THAP6: variants seen among roughly 807,000 people sequenced by gnomAD.
The protein encoded by THAP6 is THAP domain-containing protein 6.
A neutral mutation model predicts 20.0 loss-of-function variants in THAP6; 13 were observed. The ratio of observed to expected loss-of-function variants is 0.65; its 90% CI spans 0.42 to 1.03. The LOEUF (loss-of-function observed/expected upper bound fraction) is 1.03. Ranked by LOEUF, THAP6 falls within the 50% of genes least tolerant of loss-of-function variation. THAP6 has a pLI of 0.00. For synonymous variants in THAP6, 93 were observed against 92.2 expected (o/e 1.01, Z -0.05); for missense variants, 262 against 261.6 (o/e 1.00, Z -0.01).
At chr4:75,514,335 A>G (rs758123996), upstream of THAP6, 1 of 1,578,700 alleles carries the variant, frequency 6.3e-7, no homozygotes, top group South Asian at 1.1e-5. Flanking sequence ...CAGGATAAAA[A>G]CCACGCCCAG....
chr4:75,534,159 A>G (rs1486158370), downstream of THAP6, among the ~76,000 whole-genome samples: 1 of 152,136 alleles, frequency 6.6e-6, no homozygotes, highest in Non-Finnish European at 1.5e-5. Flanking sequence ...CCAGTCTATC[A>G]TTGTTGGACA....
intron 3 of THAP6, among the ~76,000 whole-genome samples, chr4:75,518,585 C>T (rs1725811243): frequency 6.6e-6 from 1 of 152,060 alleles, no homozygotes; most frequent in African/African-American, 2.4e-5. Context: ...AAACTGAGGC[C>T]CAGAGAACTA....
downstream of THAP6, among the ~76,000 whole-genome samples, chr4:75,534,742 G>A (rs1469803870): frequency 6.6e-6 from 1 of 152,080 alleles, no homozygotes; most frequent in Non-Finnish European, 1.5e-5. Context: ...TCAACAAGTG[G>A]GCAAAGGATA....
intron 2 of THAP6, among the ~76,000 whole-genome samples, chr4:75,541,440 G>A (rs192656067): frequency 7.6e-4 from 108 of 142,258 alleles, no homozygotes; most frequent in Middle Eastern, 3.9e-3. Flanking sequence ...CAATTTATAA[G>A]TGTGTACGTG....
chr4:75,534,620 C>G (rs1235839338), downstream of THAP6, among the ~76,000 whole-genome samples: 1 of 152,138 alleles, frequency 6.6e-6, no homozygotes, highest in Admixed American at 6.5e-5. Flanking sequence ...TCAGAGTGAA[C>G]AGGCAACCTA....
At chr4:75,521,943 C>A in intron 4 of THAP6, 82 bp downstream of exon 4, 2 of 1,547,550 alleles carry the variant, frequency 1.3e-6, no homozygotes, top group Non-Finnish European at 1.8e-6. Context: ...TTTTCAGAAT[C>A]CTAGCAAAAT....
At chr4:75,540,958 C>G (rs1726985911) in intron 2 of THAP6, among the ~76,000 whole-genome samples, 1 of 152,058 alleles carries the variant, frequency 6.6e-6, no homozygotes, top group African/African-American at 2.4e-5. Context: ...GTTTCTATGG[C>G]CATCACCATC....
intron 3 of THAP6, chr4:75,517,338 A>T (rs1229002083): frequency 5.8e-6 from 1 of 173,072 alleles, no homozygotes; most frequent in Admixed American, 5.7e-5. Flanking sequence ...TTATGATACT[A>T]TTGAAGAACC....
At chr4:75,521,432 C>T (rs1399687200) in intron 3 of THAP6, among the ~76,000 whole-genome samples, 1 of 151,896 alleles carries the variant, frequency 6.6e-6, no homozygotes, top group Non-Finnish European at 1.5e-5. Context: ...TGATCTATTT[C>T]TAGGTTTTTC....
At chr4:75,514,948 G>A (rs1339403122) in intron 1 of THAP6, 2 of 163,416 alleles carry the variant, frequency 1.2e-5, no homozygotes, top group African/African-American at 4.8e-5. Flanking sequence ...TAACAAGACT[G>A]GTGGAGGAGG....
chr4:75,525,064 G>GT (rs964946412), intron 4 of THAP6, among the ~76,000 whole-genome samples: 2 of 152,034 alleles, frequency 1.3e-5, no homozygotes, highest in Non-Finnish European at 2.9e-5. Context: ...AATAATTTTT[G>GT]TTTTTTTCTA....
Position 75,521,770 on chromosome 4 carries a change from TC to T in THAP6, c.324del (p.Phe108LeufsTer37), listed in dbSNP as rs1284847206. 1.9e-6 allele frequency: 3 copies of T among 1,612,862 alleles called. No individual in the cohort carries two copies. The South Asian group carries it at 3.3e-5, about 18-fold the overall frequency. ...GAAAAACTTCATTGTAGAAAAAACT[TC>T]ACCCTCAAAACCGTTCCAGCCACTA... is the stretch of plus-strand genomic sequence containing the variant. Reference protein sequence around the residue: ...KREKLHCRKNFTLKTVPATNY... With the variant: ...KREKLHCRKNXTLKTVPATNY... On this transcript the variant is annotated frameshift_variant, in exon 4 of 5. Coordinates refer to ENST00000311638, the MANE Select transcript of THAP6 (RefSeq NM_144721.6). LOFTEE classifies it high-confidence loss of function.
chr4:75,530,284 G>C (rs1488220142), downstream of THAP6, among the ~76,000 whole-genome samples: 1 of 152,186 alleles, frequency 6.6e-6, no homozygotes, highest in African/African-American at 2.4e-5. Context: ...AGCATTCCTA[G>C]GTGTGAAATA....
chr4:75,527,107 A>G lies in THAP6; in HGVS notation c.562A>G (p.Arg188Gly), dbSNP rs1403413814. The G allele has an allele frequency of 5.6e-6, 9 of 1,614,040 alleles. No homozygotes were observed. Among genetic ancestry groups the G allele is most frequent in the Admixed American group, 3.3e-5 (2 of 60,006 alleles). Reference sequence around the variant, plus strand: ...TCAGAAATCATTGAGGAAGACAATCAGGGAATTAAAGGATGAATGTCTGAT... The same window carrying G: ...TCAGAAATCATTGAGGAAGACAATCGGGGAATTAAAGGATGAATGTCTGAT... ...RFQKSLRKTI[R>G]ELKDECLISQ... The change falls in exon 5 of 5, where the codon AGG (arginine) becomes GGG (glycine). Residue 188 changes from arginine (R) to glycine (G), a missense_variant. Physicochemically the swap from Arg to Gly is moderately radical, Grantham distance 125 (BLOSUM62 -2). Coordinates refer to ENST00000311638, the MANE Select transcript of THAP6 (RefSeq NM_144721.6).
chr4:75,517,558 A>G (rs1419544810), intron 3 of THAP6: 2 of 152,540 alleles, frequency 1.3e-5, no homozygotes, highest in South Asian at 2.1e-4. Context: ...TTGTCTAAAA[A>G]TGGAAGTTAA....
In THAP6 at chr4:75,536,909, A is replaced by G. The variant is rs544212527; in HGVS notation, c.166-5500A>G. ...TCCCTGTGATAACACTAATCAAAAGAAAGTTGGGGTAATAATAGACAAAAT... is the reference window on the plus strand; with the variant it reads ...TCCCTGTGATAACACTAATCAAAAGGAAGTTGGGGTAATAATAGACAAAAT... On this transcript the variant is annotated intron_variant, in intron 2 of 4. Transcript: ENST00000502620. 4.3e-4 allele frequency among the ~76,000 whole-genome samples: 66 copies of G among 152,328 alleles called. 1 individual carries two copies. In the South Asian group the frequency reaches 0.013, roughly 30 times the overall value.
downstream of THAP6, among the ~76,000 whole-genome samples, chr4:75,534,961 C>A (rs919150830): frequency 3.3e-5 from 5 of 152,168 alleles, no homozygotes; most frequent in African/African-American, 1.2e-4. Context: ...GTGGGACTGT[C>A]AACTAGTTCA....
rs1219557867 is a variant in THAP6 at position 75,538,140 on chromosome 4, A to G, written c.166-4269A>G. 3.3e-5 allele frequency among the ~76,000 whole-genome samples: 5 copies of G among 152,248 alleles called. No homozygotes were observed. In the South Asian group the frequency reaches 8.3e-4, roughly 25 times the overall value. ...AAGGAAAGACTGGTTCTAGCTTGTT[A>G]TGATGAGCCAGGTAGGGCATGGCAC... is the stretch of plus-strand genomic sequence containing the variant. On this transcript the variant is annotated intron_variant, in intron 2 of 4. Coordinates refer to the THAP6 transcript ENST00000502620.
Position 75,527,746 on chromosome 4 carries a change from C to CT in THAP6, c.*533dup. ...TACAAGGCTTCCTGTGGTATTGACT[C>CT]TGAGAATAACACATAGTGAAGATCT... On this transcript the variant is annotated 3_prime_UTR_variant, in exon 5 of 5. Coordinates refer to ENST00000311638, the MANE Select transcript of THAP6 (RefSeq NM_144721.6). 1 of 988,692 alleles carries CT rather than the reference C, an allele frequency of 1.0e-6. No homozygotes were observed. The highest frequency in any genetic ancestry group is 1.1e-4 in the East Asian group (1 of 8,918). 61.2% of individuals were successfully genotyped at this position (988,692 alleles called of 1,614,324 possible). A position where few individuals can be genotyped will look rare whatever the true frequency, so the allele number is the denominator to read the frequency against.
Sources: gnomAD v4.1 joint callset for allele counts (sites outside exome capture counted in the v4.1 genomes callset) on GRCh38, gnomAD v4.1.1 for gene constraint, MANE v1.5 for transcripts, NCBI Gene and HGNC (gene_info 2026-07-23, HGNC 2026-07-21) for gene names.